The following CDKN2B-AS1 variants were observed in gnomAD, a reference collection of about 807,000 sequenced individuals.
The protein encoded by CDKN2B-AS1 is CDKN2B and CDKN2A antisense cis and trans regulatory RNA 1.
intron 3 of CDKN2B-AS1, among the ~76,000 whole-genome samples, chr9:22,052,647 G>T (rs1823398166): frequency 6.6e-6 from 1 of 152,152 alleles, no homozygotes; most frequent in South Asian, 2.1e-4. Context: ...GTAGAATTTG[G>T]CTGACTGCCT....
chr9:22,085,133 G>T (rs996660779), intron 4 of CDKN2B-AS1, among the ~76,000 whole-genome samples: 1 of 152,040 alleles, frequency 6.6e-6, no homozygotes. Context: ...ATGACAAAAA[G>T]AACTTCTATC....
intron 1 of CDKN2B-AS1, chr9:22,008,851 C>A (rs1263458730): frequency 2.5e-5 from 40 of 1,610,866 alleles, no homozygotes; most frequent in Non-Finnish European, 3.2e-5. Flanking sequence ...GCGCCGGCTT[C>A]CAGGAGCTGT....
intron 4 of CDKN2B-AS1, among the ~76,000 whole-genome samples, chr9:22,103,180 G>T (rs1018680482): frequency 1.1e-5 from 1 of 88,620 alleles, no homozygotes; most frequent in African/African-American, 3.6e-5. Context: ...TGTGTGTGTG[G>T]TGCGTGAAGA....
intron 4 of CDKN2B-AS1, among the ~76,000 whole-genome samples, chr9:22,116,626 A>G (rs546063968): frequency 1.3e-5 from 2 of 152,170 alleles, no homozygotes; most frequent in African/African-American, 2.4e-5. Context: ...GGAAACAGCA[A>G]TGGCAAATAC....
chr9:22,012,519 A>G (rs2131201923), intron 1 of CDKN2B-AS1: 2 of 641,734 alleles, frequency 3.1e-6, no homozygotes, highest in Non-Finnish European at 5.9e-6. Flanking sequence ...AACAACCTGC[A>G]CCCCAAGAAG....
intron 2 of CDKN2B-AS1, among the ~76,000 whole-genome samples, chr9:22,047,164 C>A (rs1274242237): frequency 2.0e-5 from 3 of 152,134 alleles, no homozygotes; most frequent in African/African-American, 4.8e-5. Flanking sequence ...TTGCTCTGCT[C>A]TTCTCACCTC....
At position 22,005,056 on chromosome 9, in the gene CDKN2B-AS1, C is replaced by G. The variant is rs2072070555; in HGVS notation, n.29+9895C>G. ...ACAGTTGCTGAACAACTAAAAAGTACAAAATATCACAAAATCAAAAAGTAG... is the reference window on the plus strand; with the variant it reads ...ACAGTTGCTGAACAACTAAAAAGTAGAAAATATCACAAAATCAAAAAGTAG... On this transcript the variant is annotated intron_variant and non_coding_transcript_variant, in intron 1 of 4. Transcript: ENST00000650946. The surrounding 1 kb of genome is among the most constrained non-coding windows in gnomAD (Gnocchi z 4.9). 4.3e-6 allele frequency: 1 copy of G among 232,902 alleles called. No individual in the cohort carries two copies. The highest frequency in any genetic ancestry group is 2.2e-5 in the African/African-American group (1 of 45,216). The allele number at this position is 232,902 out of a possible 1,614,324, so 14.4% of individuals were successfully genotyped here.
intron 4 of CDKN2B-AS1, among the ~76,000 whole-genome samples, chr9:22,082,965 G>C (rs1022090825): frequency 2.6e-5 from 4 of 152,154 alleles, no homozygotes; most frequent in African/African-American, 9.7e-5. Flanking sequence ...AATCAAGAAG[G>C]CCTAATCCTG....
Position 22,005,791 on chromosome 9 carries a change from G to A in CDKN2B-AS1, n.29+10630G>A. ...GTTTCGCTTCATGGTGAGTGTCGAG[G>A]GCCAGATAAGACAAAGAAAAAAATG... On this transcript the variant is annotated intron_variant and non_coding_transcript_variant, in intron 1 of 4. Transcript: ENST00000650946. The surrounding 1 kb of genome is among the most constrained non-coding windows in gnomAD (Gnocchi z 4.9). 1 of 675,768 alleles carries A rather than the reference G, an allele frequency of 1.5e-6. No homozygotes were observed. Among genetic ancestry groups the A allele is most frequent in the Non-Finnish European group, 2.5e-6 (1 of 393,034 alleles). The allele number at this position is 675,768 out of a possible 1,614,324, so 41.9% of individuals were successfully genotyped here. A position where few individuals can be genotyped will look rare whatever the true frequency, so the allele number is the denominator to read the frequency against.
intron 1 of CDKN2B-AS1, among the ~76,000 whole-genome samples, chr9:22,015,752 A>G (rs1311753405): frequency 6.6e-6 from 1 of 152,148 alleles, no homozygotes; most frequent in Non-Finnish European, 1.5e-5. Context: ...CTCATCATCT[A>G]CCATTAGTTT....
At chr9:22,108,150 A>C (rs1227762341) in intron 4 of CDKN2B-AS1, among the ~76,000 whole-genome samples, 9 of 152,194 alleles carry the variant, frequency 5.9e-5, no homozygotes. Context: ...TTTTCTTTAT[A>C]ATAGAATTAA....
At position 22,000,847 on chromosome 9, in the gene CDKN2B-AS1, A is replaced by G. The variant is rs1010418595; in HGVS notation, n.29+5686A>G. On this transcript the variant is annotated intron_variant and non_coding_transcript_variant, in intron 1 of 4. Coordinates refer to ENST00000650946, the Ensembl canonical transcript of CDKN2B-AS1. The surrounding 1 kb of genome is among the most constrained non-coding windows in gnomAD (Gnocchi z 4.1). Reference sequence around the variant, plus strand: ...AGAGAAGAGAGAAACCCGAAGAACAATGGATTATCCTTACATATTTGGTTT... The same window carrying G: ...AGAGAAGAGAGAAACCCGAAGAACAGTGGATTATCCTTACATATTTGGTTT... 6.6e-6 allele frequency among the ~76,000 whole-genome samples: 1 copy of G among 152,198 alleles called. No individual in the cohort carries two copies.
Position 21,997,985 on chromosome 9 carries a change from C to T in CDKN2B-AS1, n.29+2824C>T, listed in dbSNP as rs1395254187. On this transcript the variant is annotated intron_variant and non_coding_transcript_variant, in intron 1 of 4. Coordinates refer to ENST00000650946, the Ensembl canonical transcript of CDKN2B-AS1. This position sits in a 1 kb window ranked among gnomAD's most constrained non-coding sequence, Gnocchi z 4.8. ...CATTTTCTCTCCACAGGAACTAGAC[C>T]TAGGGATAAGGGTAATTGCTTATTT... Among the ~76,000 whole-genome samples the T allele has an allele frequency of 6.6e-6, 1 of 152,148 alleles. No homozygotes were observed. Among genetic ancestry groups the T allele is most frequent in the Non-Finnish European group, 1.5e-5 (1 of 68,004 alleles).
In CDKN2B-AS1 at chr9:22,002,463, T is replaced by C. The variant is rs147487328; in HGVS notation, n.29+7302T>C. Among the ~76,000 whole-genome samples, 15 of 144,428 alleles carry C rather than the reference T, an allele frequency of 1.0e-4. No homozygotes were observed. The East Asian group carries it at 1.8e-3, about 17-fold the overall frequency. The allele number at this position is 144,428 out of a possible 152,430, so 94.8% of individuals were successfully genotyped here. ...GTTTAAAATAATTGAGGGGTAATTA[T>C]AGAATCAGCAAAAAGAAAAAAAAAC... On this transcript the variant is annotated intron_variant and non_coding_transcript_variant, in intron 1 of 4. Transcript: ENST00000650946.
intron 4 of CDKN2B-AS1, among the ~76,000 whole-genome samples, chr9:22,124,139 A>T (rs1052410908): frequency 1.3e-5 from 2 of 152,136 alleles, no homozygotes; most frequent in African/African-American, 4.8e-5. Flanking sequence ...CAATATATAT[A>T]TATTTCATTT....
intron 4 of CDKN2B-AS1, among the ~76,000 whole-genome samples, chr9:22,099,919 G>A (rs978117143): frequency 7.9e-5 from 12 of 152,060 alleles, no homozygotes; most frequent in African/African-American, 2.4e-4. Flanking sequence ...GGGGGCATTG[G>A]GTGGCTGAGG....
At chr9:22,062,346 G>C (rs944577427) in intron 4 of CDKN2B-AS1, among the ~76,000 whole-genome samples, 3 of 152,192 alleles carry the variant, frequency 2.0e-5, no homozygotes, top group African/African-American at 7.2e-5. Flanking sequence ...TCTTGAAAAG[G>C]AAATCTTTAC....
At position 22,020,307 on chromosome 9, in the gene CDKN2B-AS1, T is replaced by G. The variant is rs373075988; in HGVS notation, n.29+25146T>G. Among the ~76,000 whole-genome samples the G allele has an allele frequency of 3.3e-3, 505 of 152,348 alleles. 2 individuals are homozygous for G. Among genetic ancestry groups the G allele is most frequent in the African/African-American group, 0.011 (449 of 41,578 alleles). On this transcript the variant is annotated intron_variant and non_coding_transcript_variant, in intron 1 of 4. Coordinates refer to ENST00000650946, the Ensembl canonical transcript of CDKN2B-AS1. ...GCATTTATGTTGATTCAATTTTTTT[T>G]GGCTATTGTGAATACTATTGCAATA... is the stretch of plus-strand genomic sequence containing the variant.
Position 22,006,342 on chromosome 9 carries a change from C to G in CDKN2B-AS1, n.29+11181C>G. 9 of 1,537,022 alleles carry G rather than the reference C, an allele frequency of 5.9e-6. No homozygotes were observed. Among genetic ancestry groups the G allele is most frequent in the Non-Finnish European group, 7.9e-6 (9 of 1,137,202 alleles). On this transcript the variant is annotated intron_variant and non_coding_transcript_variant, in intron 1 of 4. Transcript: ENST00000650946. This position sits in a 1 kb window ranked among gnomAD's most constrained non-coding sequence, Gnocchi z 6.4. ...CAGGTGGAGCCATTTAAAGAAACAC[C>G]TAATTGCAAAGTTTTCACCCAGTGC...
Sources: allele counts gnomAD v4.1 joint callset (sites outside exome capture counted in the v4.1 genomes callset), GRCh38; gene constraint gnomAD v4.1.1; non-coding constraint Gnocchi (gnomAD v3.1); transcripts MANE v1.5; gene names NCBI Gene and HGNC (gene_info 2026-07-23, HGNC 2026-07-21).